The following DNAH2 variants were observed in gnomAD, a reference collection of about 807,000 sequenced individuals.
DNAH2 encodes the protein axonemal beta dynein heavy chain 2.
DNAH2 carries 323 observed loss-of-function variants against 523.5 expected under a neutral mutation model. That is an observed-to-expected ratio of 0.62 (90% CI 0.56 to 0.68). The LOEUF (loss-of-function observed/expected upper bound fraction) is 0.68. DNAH2 is among the 30% of genes least tolerant of loss of function. The pLI, the probability that DNAH2 is intolerant of heterozygous loss-of-function variation, is 0.00. For missense variants in DNAH2, 4,907 were observed against 5,701.5 expected (o/e 0.86, Z 4.49); for synonymous variants, 2,093 against 2,177.4 (o/e 0.96, Z 1.08).
In DNAH2 at chr17:7,798,430, C is replaced by A; in HGVS notation, c.8398+106C>A. 6.5e-7 allele frequency: 1 copy of A among 1,528,596 alleles called. No homozygotes were observed. Among genetic ancestry groups the A allele is most frequent in the Non-Finnish European group, 8.8e-7 (1 of 1,134,540 alleles). The allele number at this position is 1,528,596 out of a possible 1,614,324, so 94.7% of individuals were successfully genotyped here. On this transcript the variant is annotated intron_variant, in intron 54 of 85. Transcript: ENST00000572933. The surrounding 1 kb of genome is among the most constrained non-coding windows in gnomAD (Gnocchi z 5.5). ...GCCAGATGGGCAGACGTGTCTGGCC[C>A]GTGTTGGGTGTAGGATGGTGTCGCG...
At chr17:7,740,210 C>T (rs1225522605) in intron 9 of DNAH2, among the ~76,000 whole-genome samples, 1 of 152,138 alleles carries the variant, frequency 6.6e-6, no homozygotes, top group Non-Finnish European at 1.5e-5. Context: ...CAGCTGTCTC[C>T]ACTTCCTCCT....
chr17:7,756,244 A>C (rs1305373815), intron 12 of DNAH2, among the ~76,000 whole-genome samples: 1 of 151,714 alleles, frequency 6.6e-6, no homozygotes. Context: ...CATCTAAAAA[A>C]AATTTGAAAA....
intron 63 of DNAH2, among the ~76,000 whole-genome samples, chr17:7,813,000 C>A (rs542444685): frequency 2.0e-5 from 3 of 150,870 alleles, no homozygotes; most frequent in African/African-American, 7.3e-5. Context: ...AGCAGTAAGA[C>A]TACTTGTATA....
chr17:7,789,962 A>G (rs1254318733), intron 44 of DNAH2, among the ~76,000 whole-genome samples: 2 of 152,180 alleles, frequency 1.3e-5, no homozygotes, highest in African/African-American at 2.4e-5. Context: ...GGTCCTAGGT[A>G]TCTTAATTCA....
At chr17:7,729,534 G>A (rs1278057580) in intron 4 of DNAH2, among the ~76,000 whole-genome samples, 8 of 152,238 alleles carry the variant, frequency 5.3e-5, no homozygotes, top group South Asian at 2.1e-4. Flanking sequence ...GGGTTCAAGC[G>A]ATTCTCCTGC....
intron 7 of DNAH2, among the ~76,000 whole-genome samples, chr17:7,735,451 CT>C (rs946516349): frequency 6.6e-6 from 1 of 150,754 alleles, no homozygotes; most frequent in Admixed American, 6.6e-5. Flanking sequence ...CTTTTCATTT[CT>C]TTTTTTTTCC....
chr17:7,798,778 AAGGACCAC>A lies in DNAH2; in HGVS notation c.8559+63_8559+70del. ...CTTTGGCCTGCCTAGCTGACCCCAG[AAGGACCAC>A]AGCTCCCAGAATGTGCCACTGGCAC... is the stretch of plus-strand genomic sequence containing the variant. On this transcript the variant is annotated intron_variant, in intron 55 of 85. Coordinates refer to ENST00000572933, the MANE Select transcript of DNAH2 (RefSeq NM_020877.5). The surrounding 1 kb of genome is among the most constrained non-coding windows in gnomAD (Gnocchi z 5.5). 6.4e-7 allele frequency: 1 copy of A among 1,566,482 alleles called. No homozygotes were observed. The highest frequency in any genetic ancestry group is 1.3e-5 in the African/African-American group (1 of 74,270).
intron 24 of DNAH2, among the ~76,000 whole-genome samples, chr17:7,768,985 T>C (rs1275490159): frequency 1.3e-5 from 2 of 152,186 alleles, no homozygotes; most frequent in Non-Finnish European, 2.9e-5. Context: ...TCTTAGCTAT[T>C]GCAAATAGTG....
intron 2 of DNAH2, among the ~76,000 whole-genome samples, chr17:7,721,194 G>T (rs2074594494): frequency 6.6e-6 from 1 of 151,194 alleles, no homozygotes; most frequent in Admixed American, 6.6e-5. Context: ...ATTTTTTTGA[G>T]ACAGAGTCTC....
At chr17:7,797,556 G>A in intron 52 of DNAH2, 26 bp downstream of exon 52, 1 of 1,614,122 alleles carries the variant, frequency 6.2e-7, no homozygotes. Flanking sequence ...TGATGACCTT[G>A]GGCTTGACAC....
Position 7,775,911 on chromosome 17 carries a change from G to T in DNAH2, c.4822-113G>T, listed in dbSNP as rs1049429118. 3.5e-6 allele frequency: 5 copies of T among 1,417,634 alleles called. No individual in the cohort carries two copies. In the African/African-American group the frequency reaches 4.3e-5, roughly 12 times the overall value. 87.8% of individuals were successfully genotyped at this position (1,417,634 alleles called of 1,614,324 possible). A position where few individuals can be genotyped will look rare whatever the true frequency, so the allele number is the denominator to read the frequency against. On this transcript the variant is annotated intron_variant, in intron 30 of 85. Transcript: ENST00000572933. Reference sequence around the variant, plus strand: ...CGCAAGCCAGCTGTTGGCCATTCCCGCTTTTCTCTGGGTACAAAGCCCTGA... The same window carrying T: ...CGCAAGCCAGCTGTTGGCCATTCCCTCTTTTCTCTGGGTACAAAGCCCTGA...
In DNAH2 at chr17:7,830,705, A is replaced by T; in HGVS notation, c.12093A>T (p.Thr4031=). The T allele has an allele frequency of 6.2e-7, 1 of 1,614,182 alleles. No homozygotes were observed. The highest frequency in any genetic ancestry group is 1.1e-5 in the South Asian group (1 of 91,090). ...LSLYLDEYEE[T]PWDALKYLIA... ...TCTATCTCGATGAGTACGAGGAGACACCTTGGGACGCACTTAAGTACCTCA... is the reference window on the plus strand; with the variant it reads ...TCTATCTCGATGAGTACGAGGAGACTCCTTGGGACGCACTTAAGTACCTCA... Residue 4031 remains threonine (T), a synonymous_variant, in exon 79 of 86, where the codon ACA becomes ACT. Transcript: ENST00000572933.
intron 49 of DNAH2, among the ~76,000 whole-genome samples, chr17:7,795,530 C>T (rs1033331498): frequency 7.3e-5 from 11 of 151,170 alleles, no homozygotes; most frequent in Admixed American, 5.3e-4. Flanking sequence ...AAAAATTAGC[C>T]GGGTGTGGTG....
intron 78 of DNAH2, 78 bp downstream of exon 78, chr17:7,830,569 C>A: frequency 6.2e-7 from 1 of 1,605,264 alleles, no homozygotes; most frequent in Non-Finnish European, 8.5e-7. Context: ...GTGGGAATAT[C>A]CGTGGACACA....
chr17:7,815,064 C>A lies in DNAH2; in HGVS notation c.9730-1507C>A, dbSNP rs142928313. On this transcript the variant is annotated intron_variant, in intron 63 of 85. Transcript: ENST00000572933. Reference sequence around the variant, plus strand: ...AACTCCTGACCTGGTGATCTGCCTGCCTTGGCTTCCCAAAGTGCTGGGATT... The same window carrying A: ...AACTCCTGACCTGGTGATCTGCCTGACTTGGCTTCCCAAAGTGCTGGGATT... 3.8e-4 allele frequency among the ~76,000 whole-genome samples: 58 copies of A among 152,366 alleles called. No homozygotes were observed. The East Asian group carries it at 9.3e-3, about 24-fold the overall frequency.
At position 7,780,043 on chromosome 17, in the gene DNAH2, A is replaced by T; in HGVS notation, c.5723-114A>T. Reference sequence around the variant, plus strand: ...GGATGTGGTCTTGGAGTTGGAGAGAAAGTTAGGGATGGAGTTAGGGTGGGA... The same window carrying T: ...GGATGTGGTCTTGGAGTTGGAGAGATAGTTAGGGATGGAGTTAGGGTGGGA... On this transcript the variant is annotated intron_variant, in intron 36 of 85. Coordinates refer to ENST00000572933, the MANE Select transcript of DNAH2 (RefSeq NM_020877.5). This position sits in a 1 kb window ranked among gnomAD's most constrained non-coding sequence, Gnocchi z 4.4. 2.9e-6 allele frequency: 4 copies of T among 1,388,850 alleles called. No individual in the cohort carries two copies. Among genetic ancestry groups the T allele is most frequent in the Non-Finnish European group, 3.9e-6 (4 of 1,018,376 alleles). The allele number at this position is 1,388,850 out of a possible 1,614,324, so 86.0% of individuals were successfully genotyped here. A position where few individuals can be genotyped will look rare whatever the true frequency, so the allele number is the denominator to read the frequency against.
intron 42 of DNAH2, 85 bp from the exon 43 acceptor site, chr17:7,787,775 T>C: frequency 7.0e-6 from 10 of 1,428,476 alleles, no homozygotes; most frequent in Admixed American, 2.3e-5. Context: ...TGTGAACTTG[T>C]AGCATCCGAG....
chr17:7,771,183 T>C (rs545409943), intron 27 of DNAH2, 147 bp from the exon 28 acceptor site: 66 of 1,283,606 alleles, frequency 5.1e-5, no homozygotes, highest in Non-Finnish European at 6.7e-5. Flanking sequence ...TACCTCCAGC[T>C]TTCCTTGTAG....
chr17:7,727,984 G>T (rs1350484385), intron 4 of DNAH2, among the ~76,000 whole-genome samples: 1 of 152,022 alleles, frequency 6.6e-6, no homozygotes, highest in Admixed American at 6.6e-5. Flanking sequence ...GAGCTATTCA[G>T]CAAAGACCAC....
Sources: gnomAD v4.1 joint callset for allele counts (sites outside exome capture counted in the v4.1 genomes callset) on GRCh38, gnomAD v4.1.1 for gene constraint, Gnocchi (gnomAD v3.1) non-coding constraint, MANE v1.5 for transcripts, NCBI Gene and HGNC (gene_info 2026-07-23, HGNC 2026-07-21) for gene names.